NPR3: variants seen among roughly 807,000 people sequenced by gnomAD.
NPR3 encodes the protein atrial natriuretic peptide receptor 3.
NPR3 carries 34 observed loss-of-function variants against 54.5 expected under a neutral mutation model. That is an observed-to-expected ratio of 0.62 (90% confidence interval 0.47 to 0.83). The LOEUF is 0.83. NPR3 is among the 40% of genes least tolerant of loss of function. The pLI, the probability that NPR3 is intolerant of heterozygous loss-of-function variation, is 0.00. For synonymous variants in NPR3, 289 were observed against 297.1 expected (o/e 0.97, Z 0.28); for missense variants, 674 against 720.8 (o/e 0.94, Z 0.74).
In NPR3 at chr5:32,711,526, G is replaced by T; in HGVS notation, c.-251G>T. ...GTATATATATATGTATATTACAGAC[G>T]CACAGGTTTACACCCGGTGAACTTT... On this transcript the variant is annotated 5_prime_UTR_variant, in exon 1 of 8. Coordinates refer to ENST00000265074, the MANE Select transcript of NPR3 (RefSeq NM_001204375.2). 8.3e-7 allele frequency: 1 copy of T among 1,199,770 alleles called. No individual in the cohort carries two copies. The highest frequency in any genetic ancestry group is 4.3e-5 in the Admixed American group (1 of 23,012). 74.3% of individuals were successfully genotyped at this position (1,199,770 alleles called of 1,614,324 possible).
Position 32,789,972 on chromosome 5 carries a change from AC to A in NPR3, c.*3628del. 1 of 310,386 alleles carries A rather than the reference AC, an allele frequency of 3.2e-6. No homozygotes were observed. The highest frequency in any genetic ancestry group is 3.5e-5 in the South Asian group (1 of 28,444). The allele number at this position is 310,386 out of a possible 1,614,324, so 19.2% of individuals were successfully genotyped here. A position where few individuals can be genotyped will look rare whatever the true frequency, so the allele number is the denominator to read the frequency against. ...GCACTCAGATCCTGAGTGGATGCAG[AC>A]ATGAGAGTAAATGTCAGCCCAAATT... On this transcript the variant is annotated 3_prime_UTR_variant, in exon 8 of 8. Transcript: ENST00000265074.
intron 6 of NPR3, 148 bp from the exon 7 acceptor site, chr5:32,784,648 C>G: frequency 1.6e-6 from 1 of 617,038 alleles, no homozygotes; most frequent in South Asian, 2.0e-5. Context: ...AAACAAAAAA[C>G]AAGTGTAGGG....
Position 32,712,284 on chromosome 5 carries a change from G to C in NPR3, c.508G>C (p.Glu170Gln). Residue 170 changes from glutamate (E) to glutamine (Q), a missense_variant, in exon 1 of 8, where the codon GAG (glutamate) becomes CAG (glutamine). By Grantham distance (29) the Glu-to-Gln change is conservative (BLOSUM62 2). Transcript: ENST00000265074. Reference protein sequence around the residue: ...LAAGFQHKDSEYSHLTRVAPA... With the variant: ...LAAGFQHKDSQYSHLTRVAPA... ...CGCTGGCTTCCAGCACAAGGACTCT[G>C]AGTACTCGCACCTCACGCGCGTGGC... The C allele has an allele frequency of 9.3e-6, 15 of 1,613,128 alleles. No individual in the cohort carries two copies. The highest frequency in any genetic ancestry group is 1.3e-5 in the Non-Finnish European group (15 of 1,179,788).
chr5:32,698,171 G>A (rs1056360637), intron 1 of NPR3, among the ~76,000 whole-genome samples: 29 of 151,936 alleles, frequency 1.9e-4, no homozygotes, highest in African/African-American at 6.7e-4. Context: ...TATCCCATGG[G>A]TTTTGGTATG....
In NPR3 at chr5:32,789,662, G is replaced by A. The variant is rs1285157572; in HGVS notation, c.*3317G>A. The A allele has an allele frequency of 5.6e-6, 3 of 534,570 alleles. No individual in the cohort carries two copies. In the Admixed American group the frequency reaches 5.8e-5, roughly 10 times the overall value. The allele number at this position is 534,570 out of a possible 1,614,324, so 33.1% of individuals were successfully genotyped here. A position where few individuals can be genotyped will look rare whatever the true frequency, so the allele number is the denominator to read the frequency against. Reference sequence around the variant, plus strand: ...AATCATTAATTTACTCAAGGCACATGTGCCTTCTTTGCCCCAAATGCATCA... The same window carrying A: ...AATCATTAATTTACTCAAGGCACATATGCCTTCTTTGCCCCAAATGCATCA... On this transcript the variant is annotated 3_prime_UTR_variant, in exon 8 of 8. Coordinates refer to ENST00000265074, the MANE Select transcript of NPR3 (RefSeq NM_001204375.2).
rs552811485 is a variant in NPR3, at chr5:32,782,720, C to T, written c.1291-173C>T. Among the ~76,000 whole-genome samples the T allele has an allele frequency of 1.9e-4, 29 of 152,298 alleles. No individual in the cohort carries two copies. In the South Asian group the frequency reaches 4.8e-3, roughly 25 times the overall value. Reference sequence around the variant, plus strand: ...ACCGAGGAACGTGCCCAATGTACCACGCTTTTCTGAAGCACTTGCTGTCCT... The same window carrying T: ...ACCGAGGAACGTGCCCAATGTACCATGCTTTTCTGAAGCACTTGCTGTCCT... On this transcript the variant is annotated intron_variant, in intron 5 of 7. Transcript: ENST00000265074.
At chr5:32,716,306 C>A in intron 1 of NPR3, 1 of 406,228 alleles carries the variant, frequency 2.5e-6, no homozygotes, top group Non-Finnish European at 4.9e-6. Context: ...CCATTTTTCA[C>A]TCTCAATTCT....
chr5:32,740,489 T>A (rs1739979823), intron 3 of NPR3, among the ~76,000 whole-genome samples: 2 of 152,258 alleles, frequency 1.3e-5, no homozygotes, highest in Admixed American at 1.3e-4. Flanking sequence ...TATATTCACA[T>A]CATTTAAAAT....
At position 32,789,493 on chromosome 5, in the gene NPR3, T is replaced by C; in HGVS notation, c.*3148T>C. The C allele has an allele frequency of 1.9e-6, 1 of 534,750 alleles. No homozygotes were observed. Among genetic ancestry groups the C allele is most frequent in the Non-Finnish European group, 3.8e-6 (1 of 260,080 alleles). The allele number at this position is 534,750 out of a possible 1,614,324, so 33.1% of individuals were successfully genotyped here. A position where few individuals can be genotyped will look rare whatever the true frequency, so the allele number is the denominator to read the frequency against. Reference sequence around the variant, plus strand: ...AGGAATGGTTCTACAGACCCTACTATAATTCTTCACATTTCAGAACCCATG... The same window carrying C: ...AGGAATGGTTCTACAGACCCTACTACAATTCTTCACATTTCAGAACCCATG... On this transcript the variant is annotated 3_prime_UTR_variant, in exon 8 of 8. Coordinates refer to ENST00000265074, the MANE Select transcript of NPR3 (RefSeq NM_001204375.2).
intron 1 of NPR3, among the ~76,000 whole-genome samples, chr5:32,714,448 G>C (rs1426395578): frequency 2.6e-5 from 4 of 152,188 alleles, no homozygotes; most frequent in African/African-American, 9.6e-5. Flanking sequence ...GCTGCAGTCG[G>C]CTGTAAGAAT....
intron 3 of NPR3, among the ~76,000 whole-genome samples, chr5:32,756,001 CATTG>C (rs1740820259): frequency 6.6e-6 from 1 of 152,124 alleles, no homozygotes; most frequent in Non-Finnish European, 1.5e-5. Flanking sequence ...TCCAGTCTAT[CATTG>C]ATGGACATTT....
At chr5:32,695,976 C>G (rs182664071) in intron 1 of NPR3, among the ~76,000 whole-genome samples, 12 of 152,248 alleles carry the variant, frequency 7.9e-5, no homozygotes, top group Admixed American at 7.8e-4. Context: ...TACGGGCTGC[C>G]TTCACTTTGT....
chr5:32,722,544 A>G (rs571668504), intron 1 of NPR3, among the ~76,000 whole-genome samples: 2 of 152,326 alleles, frequency 1.3e-5, no homozygotes, highest in African/African-American at 4.8e-5. Flanking sequence ...TGACAGAATC[A>G]GGTTCTGCAT....
chr5:32,692,073 C>A (rs1277441851), intron 1 of NPR3, among the ~76,000 whole-genome samples: 2 of 151,960 alleles, frequency 1.3e-5, no homozygotes, highest in Admixed American at 6.6e-5. Flanking sequence ...AAGAGAGCAA[C>A]GAAGGGGCAA....
intron 3 of NPR3, among the ~76,000 whole-genome samples, chr5:32,751,083 CT>C (rs1324069033): frequency 2.0e-5 from 3 of 151,966 alleles, no homozygotes; most frequent in African/African-American, 7.3e-5. Context: ...TGTAAGGAGA[CT>C]TTTAGGTTTT....
At chr5:32,717,980 A>G (rs1167695623) in intron 1 of NPR3, among the ~76,000 whole-genome samples, 4 of 152,028 alleles carry the variant, frequency 2.6e-5, no homozygotes, top group Non-Finnish European at 4.4e-5. Context: ...AGGGTTTTTT[A>G]TGGTTTTAGG....
intron 2 of NPR3, among the ~76,000 whole-genome samples, chr5:32,737,987 A>G (rs1464666254): frequency 1.3e-5 from 2 of 152,084 alleles, no homozygotes; most frequent in Non-Finnish European, 2.9e-5. Flanking sequence ...ATTACCACTA[A>G]TGCACTAATG....
At chr5:32,754,252 G>A (rs998199247) in intron 3 of NPR3, among the ~76,000 whole-genome samples, 4 of 152,178 alleles carry the variant, frequency 2.6e-5, no homozygotes, top group African/African-American at 9.7e-5. Flanking sequence ...GATGACCCAA[G>A]GGCATGCCAC....
intron 3 of NPR3, 148 bp downstream of exon 3, chr5:32,739,178 TG>T (rs1561099674): frequency 5.2e-5 from 36 of 690,722 alleles, no homozygotes; most frequent in East Asian, 1.7e-4. Flanking sequence ...TGTGTGTGTG[TG>T]TGTGTTTTTT....
Sources: gnomAD v4.1 joint callset for allele counts (sites outside exome capture counted in the v4.1 genomes callset) on GRCh38, gnomAD v4.1.1 for gene constraint, MANE v1.5 for transcripts, NCBI Gene and HGNC (gene_info 2026-07-23, HGNC 2026-07-21) for gene names.